TMEM163: variants seen among roughly 807,000 people sequenced by gnomAD.
The protein encoded by TMEM163 is transmembrane protein 163.
A neutral mutation model predicts 29.3 loss-of-function variants in TMEM163; 17 were observed. The ratio of observed to expected loss-of-function variants is 0.58; its 90% CI spans 0.40 to 0.87. The LOEUF is 0.87. Among genes scored for constraint, TMEM163 ranks in the 40% least tolerant of loss-of-function variants. The pLI is 0.00. For missense variants in TMEM163, 303 were observed against 381.5 expected (o/e 0.79, Z 1.71); for synonymous variants, 157 against 160.6 (o/e 0.98, Z 0.17).
chr2:134,546,182 G>A (rs1680778485), intron 4 of TMEM163, among the ~76,000 whole-genome samples: 1 of 152,212 alleles, frequency 6.6e-6, no homozygotes, highest in South Asian at 2.1e-4. Flanking sequence ...AACTGCCATA[G>A]GATCCAGCAA....
intron 1 of TMEM163, among the ~76,000 whole-genome samples, chr2:134,714,414 C>T (rs1468658502): frequency 6.6e-6 from 1 of 152,208 alleles, no homozygotes; most frequent in Non-Finnish European, 1.5e-5. Context: ...CAGTGTGAGA[C>T]ATATCACACC....
At chr2:134,649,444 T>C (rs912445574) in intron 2 of TMEM163, among the ~76,000 whole-genome samples, 1 of 152,224 alleles carries the variant, frequency 6.6e-6, no homozygotes, top group East Asian at 1.9e-4. Context: ...TAGTGCAATG[T>C]AGCCCATTGA....
chr2:134,630,056 G>T (rs746342271), intron 2 of TMEM163, among the ~76,000 whole-genome samples: 1 of 152,104 alleles, frequency 6.6e-6, no homozygotes, highest in Non-Finnish European at 1.5e-5. Flanking sequence ...CATGCAACAT[G>T]CTCACCACGT....
At chr2:134,687,650 A>G (rs1684377429) in intron 2 of TMEM163, among the ~76,000 whole-genome samples, 1 of 152,178 alleles carries the variant, frequency 6.6e-6, no homozygotes, top group Non-Finnish European at 1.5e-5. Flanking sequence ...ACAGCTCAGT[A>G]AAGTTATTCC....
chr2:134,613,086 G>T (rs4954154), intron 2 of TMEM163, among the ~76,000 whole-genome samples: 5 of 151,994 alleles, frequency 3.3e-5, no homozygotes, highest in Non-Finnish European at 7.4e-5. Flanking sequence ...AAAAGAACCA[G>T]ATAAAATACT....
intron 4 of TMEM163, among the ~76,000 whole-genome samples, chr2:134,513,717 C>T (rs1193592746): frequency 6.6e-6 from 1 of 152,184 alleles, no homozygotes; most frequent in Non-Finnish European, 1.5e-5. Flanking sequence ...TCAATGCTCC[C>T]TCCAAGCTCC....
At chr2:134,617,547 A>G (rs1682633953) in intron 2 of TMEM163, among the ~76,000 whole-genome samples, 1 of 151,836 alleles carries the variant, frequency 6.6e-6, no homozygotes, top group African/African-American at 2.4e-5. Flanking sequence ...GGTTGGAGTG[A>G]GCCAAGATCG....
At chr2:134,456,847 A>ATT (rs56024138) in intron 7 of TMEM163, 71 bp from the exon 8 acceptor site, 125 of 1,359,736 alleles carry the variant, frequency 9.2e-5, no homozygotes, top group East Asian at 5.3e-4. Flanking sequence ...GCGTATTTTC[A>ATT]TTTTTTTTTT....
At chr2:134,630,710 C>G (rs1574294003) in intron 2 of TMEM163, among the ~76,000 whole-genome samples, 1 of 152,214 alleles carries the variant, frequency 6.6e-6, no homozygotes, top group South Asian at 2.1e-4. Flanking sequence ...CCTCCCTACC[C>G]AGGTTGAGTT....
intron 4 of TMEM163, among the ~76,000 whole-genome samples, chr2:134,549,433 C>T (rs1178861790): frequency 6.6e-6 from 1 of 152,226 alleles, no homozygotes; most frequent in African/African-American, 2.4e-5. Context: ...CTACAGCCTC[C>T]ACCTCCTGGG....
At chr2:134,552,793 T>G (rs1314292301) in intron 2 of TMEM163, among the ~76,000 whole-genome samples, 1 of 151,342 alleles carries the variant, frequency 6.6e-6, no homozygotes, top group Non-Finnish European at 1.5e-5. Context: ...TCCCAAGTAG[T>G]TGGGACTACA....
chr2:134,490,466 T>C (rs1299920846), intron 5 of TMEM163, among the ~76,000 whole-genome samples: 1 of 152,172 alleles, frequency 6.6e-6, no homozygotes, highest in African/African-American at 2.4e-5. Context: ...CTGGCTTCCA[T>C]GTTCTGACTC....
intron 5 of TMEM163, among the ~76,000 whole-genome samples, chr2:134,483,168 T>C (rs1679235148): frequency 6.6e-6 from 1 of 152,158 alleles, no homozygotes; most frequent in Non-Finnish European, 1.5e-5. Flanking sequence ...GGAAGCACCG[T>C]CAGTTTGCTG....
At chr2:134,594,229 A>G (rs1046097899) in intron 2 of TMEM163, among the ~76,000 whole-genome samples, 37 of 149,238 alleles carry the variant, frequency 2.5e-4, no homozygotes, top group Non-Finnish European at 1.8e-4. Flanking sequence ...AGAGTGAAGG[A>G]GAGACAGGGG....
chr2:134,529,716 G>A (rs1043375540), intron 4 of TMEM163, among the ~76,000 whole-genome samples: 1 of 151,110 alleles, frequency 6.6e-6, no homozygotes, highest in South Asian at 2.1e-4. Flanking sequence ...TCTCCCCGGC[G>A]ATCACACTAT....
intron 4 of TMEM163, among the ~76,000 whole-genome samples, chr2:134,522,696 A>T (rs939220585): frequency 6.6e-6 from 1 of 152,234 alleles, no homozygotes; most frequent in Non-Finnish European, 1.5e-5. Flanking sequence ...TGACTGTGGG[A>T]ACAGTAAAGA....
chr2:134,541,170 T>C (rs1204735159), intron 4 of TMEM163, among the ~76,000 whole-genome samples: 8 of 152,214 alleles, frequency 5.3e-5, no homozygotes, highest in Non-Finnish European at 1.2e-4. Flanking sequence ...TGTCCCAAGA[T>C]GGAAATAAAA....
At chr2:134,508,732 A>T (rs1210708107) in intron 4 of TMEM163, among the ~76,000 whole-genome samples, 1 of 148,890 alleles carries the variant, frequency 6.7e-6, no homozygotes, top group Non-Finnish European at 1.5e-5. Context: ...ACTCATCATC[A>T]CCTCATTTCT....
At chr2:134,614,177 T>A (rs1216617150) in intron 2 of TMEM163, among the ~76,000 whole-genome samples, 4 of 152,132 alleles carry the variant, frequency 2.6e-5, no homozygotes, top group Non-Finnish European at 5.9e-5. Context: ...TATAAAAATA[T>A]GTTCAATTAT....
Sources: gnomAD v4.1 joint callset for allele counts (sites outside exome capture counted in the v4.1 genomes callset) on GRCh38, gnomAD v4.1.1 for gene constraint, MANE v1.5 for transcripts, NCBI Gene and HGNC (gene_info 2026-07-23, HGNC 2026-07-21) for gene names.